The following GRIP1 variants were observed in gnomAD, a reference collection of about 807,000 sequenced individuals.
The protein encoded by GRIP1 is glutamate receptor interacting protein 1.
Under a neutral mutation model 129.9 loss-of-function variants are expected in GRIP1, and 45 were observed. That is an observed-to-expected ratio of 0.35 (90% CI 0.27 to 0.44). GRIP1 has a LOEUF of 0.44. Among genes scored for constraint, GRIP1 ranks in the 20% least tolerant of loss-of-function variants. The probability of loss-of-function intolerance (pLI) is 1.00; values close to 1 mark genes in which losing one functional copy is unlikely to be tolerated. For missense variants in GRIP1, 1,196 were observed against 1,396.8 expected (o/e 0.86, Z 2.29); for synonymous variants, 530 against 520.8 (o/e 1.02, Z -0.24).
intron 1 of GRIP1, among the ~76,000 whole-genome samples, chr12:66,691,763 T>C (rs1592747995): frequency 6.6e-6 from 1 of 152,174 alleles, no homozygotes; most frequent in South Asian, 2.1e-4. Context: ...AGTCCTTCCA[T>C]AGATTCTCTC....
intron 1 of GRIP1, among the ~76,000 whole-genome samples, chr12:66,865,595 G>GCATCCATCCATCCAAC (rs148142007): frequency 5.3e-5 from 8 of 151,028 alleles, no homozygotes; most frequent in Non-Finnish European, 7.4e-5. Flanking sequence ...ATCCATCCAT[G>GCATCCATCCATCCAAC]CATCCATCCA....
chr12:66,864,779 C>T (rs1416442756), intron 1 of GRIP1, among the ~76,000 whole-genome samples: 2 of 152,110 alleles, frequency 1.3e-5, no homozygotes, highest in Non-Finnish European at 2.9e-5. Flanking sequence ...CCCTGTTACT[C>T]TGCAGATCAA....
chr12:66,633,436 C>T (rs1359075001), intron 1 of GRIP1, among the ~76,000 whole-genome samples: 7 of 151,612 alleles, frequency 4.6e-5, no homozygotes, highest in Admixed American at 4.6e-4. Flanking sequence ...CAGGCATGGG[C>T]TAATGCGCCC....
intron 5 of GRIP1, among the ~76,000 whole-genome samples, chr12:66,525,224 C>A (rs1404900774): frequency 2.0e-5 from 3 of 152,054 alleles, no homozygotes; most frequent in Admixed American, 1.3e-4. Flanking sequence ...AGAGACACAA[C>A]CAAAAAAGAG....
intron 1 of GRIP1, among the ~76,000 whole-genome samples, chr12:67,008,680 GC>G (rs2042662377): frequency 6.6e-6 from 1 of 152,050 alleles, no homozygotes; most frequent in Non-Finnish European, 1.5e-5. Flanking sequence ...AAATGATAAT[GC>G]CTTCCTTTTA....
intron 23 of GRIP1, among the ~76,000 whole-genome samples, chr12:66,367,971 A>G (rs539943262): frequency 1.3e-5 from 2 of 152,340 alleles, no homozygotes; most frequent in East Asian, 3.9e-4. Context: ...AGCTTCAGGA[A>G]TGAATATGGA....
intron 1 of GRIP1, among the ~76,000 whole-genome samples, chr12:67,061,167 T>A (rs867119390): frequency 1.6e-4 from 24 of 152,334 alleles, no homozygotes; most frequent in African/African-American, 5.8e-4. Context: ...AGACTACGGA[T>A]TGAAATTTTT....
At chr12:67,047,248 T>C (rs1019678880) in intron 1 of GRIP1, among the ~76,000 whole-genome samples, 3 of 152,158 alleles carry the variant, frequency 2.0e-5, no homozygotes, top group Admixed American at 6.6e-5. Context: ...TGCAAACATA[T>C]AGTAAATAAT....
At chr12:66,381,377 T>C (rs1159616178) in intron 19 of GRIP1, among the ~76,000 whole-genome samples, 1 of 152,358 alleles carries the variant, frequency 6.6e-6, no homozygotes, top group South Asian at 2.1e-4. Context: ...GGGAACTAAG[T>C]AGCTGTGAAT....
chr12:66,904,416 C>T (rs1173062980), intron 1 of GRIP1, among the ~76,000 whole-genome samples: 1 of 152,114 alleles, frequency 6.6e-6, no homozygotes. Flanking sequence ...ATCAATTGAT[C>T]TGAGAGTTGG....
intron 7 of GRIP1, among the ~76,000 whole-genome samples, chr12:66,507,351 T>C (rs761238643): frequency 7.3e-5 from 11 of 151,598 alleles, no homozygotes; most frequent in South Asian, 2.1e-4. Flanking sequence ...GTCAGGAGAA[T>C]GGCGTGAACC....
intron 1 of GRIP1, among the ~76,000 whole-genome samples, chr12:66,933,136 C>G (rs979566644): frequency 2.6e-5 from 4 of 152,196 alleles, no homozygotes; most frequent in Non-Finnish European, 2.9e-5. Context: ...ATTTCCAAAG[C>G]AAACTAACTC....
At chr12:67,030,426 A>G (rs919664977) in intron 1 of GRIP1, among the ~76,000 whole-genome samples, 2 of 152,164 alleles carry the variant, frequency 1.3e-5, no homozygotes, top group African/African-American at 2.4e-5. Context: ...CTGCGGCAAC[A>G]TAACTCAAGC....
At chr12:66,541,736 C>G in intron 3 of GRIP1, 79 bp downstream of exon 3, 1 of 1,429,518 alleles carries the variant, frequency 7.0e-7, no homozygotes, top group Non-Finnish European at 9.9e-7. Context: ...TTATTAGTGA[C>G]CACTTTTGAT....
chr12:66,396,064 C>A (rs898055387), intron 16 of GRIP1, among the ~76,000 whole-genome samples: 50 of 152,192 alleles, frequency 3.3e-4, no homozygotes, highest in African/African-American at 1.1e-3. Context: ...TCATCATCAA[C>A]AATATCCTGG....
intron 1 of GRIP1, among the ~76,000 whole-genome samples, chr12:66,759,060 C>T (rs977965203): frequency 2.0e-5 from 3 of 152,242 alleles, no homozygotes; most frequent in African/African-American, 7.2e-5. Flanking sequence ...GCTCCCACCC[C>T]AGATTTGCAT....
chr12:66,819,187 A>G (rs1236488792), intron 1 of GRIP1, among the ~76,000 whole-genome samples: 1 of 152,206 alleles, frequency 6.6e-6, no homozygotes, highest in Non-Finnish European at 1.5e-5. Context: ...AAACCGATGT[A>G]TATTTCAAAA....
chr12:66,406,508 A>C, intron 15 of GRIP1, 80 bp from the exon 16 acceptor site: 2 of 1,292,522 alleles, frequency 1.5e-6, no homozygotes, highest in Non-Finnish European at 2.3e-6. Context: ...AGCATAATGC[A>C]GCATTATGGT....
chr12:66,789,789 T>C (rs936010491), intron 1 of GRIP1, among the ~76,000 whole-genome samples: 5 of 152,160 alleles, frequency 3.3e-5, no homozygotes, highest in African/African-American at 1.2e-4. Flanking sequence ...TGTGACAAGA[T>C]AGTTACAGTA....
Sources: gnomAD v4.1 joint callset for allele counts (sites outside exome capture counted in the v4.1 genomes callset) on GRCh38, gnomAD v4.1.1 for gene constraint, MANE v1.5 for transcripts, NCBI Gene and HGNC (gene_info 2026-07-23, HGNC 2026-07-21) for gene names.